IQCE: variants seen among roughly 807,000 people sequenced by gnomAD.
The protein encoded by IQCE is IQ domain-containing protein E.
In IQCE, 115 loss-of-function variants were observed where a neutral mutation model predicts 96.0. The observed-to-expected ratio is 1.20, with a 90% CI of 1.03 to 1.40. The LOEUF is 1.40. Ranked by LOEUF, IQCE falls within the 40% of genes most tolerant of loss-of-function variation. IQCE has a pLI of 0.00. For missense variants in IQCE, 1,041 were observed against 909.1 expected, an observed-to-expected ratio of 1.15 and a Z score of -1.87; for synonymous variants, 412 against 371.2, an observed-to-expected ratio of 1.11 and a Z score of -1.26.
intron 17 of IQCE, among the ~76,000 whole-genome samples, chr7:2,600,716 A>C (rs1035166502): frequency 6.6e-6 from 1 of 152,216 alleles, no homozygotes; most frequent in African/African-American, 2.4e-5. Context: ...CAAGGGAAAG[A>C]TCCTGTGTAC....
chr7:2,572,662 C>A, intron 5 of IQCE: 1 of 478,294 alleles, frequency 2.1e-6, no homozygotes, highest in Admixed American at 2.4e-5. Flanking sequence ...ATAAAAAGTC[C>A]AAGTCGCACC....
At chr7:2,607,491 G>T in intron 21 of IQCE, 1 of 1,292,668 alleles carries the variant, frequency 7.7e-7, no homozygotes, top group Non-Finnish European at 9.8e-7. Context: ...ACAGGACCGA[G>T]GTGGCTTCCT....
Position 2,598,606 on chromosome 7 carries a change from G to C in IQCE, c.1582G>C (p.Ala528Pro), listed in dbSNP as rs1314054409. The change falls in exon 17 of 22, where the codon GCC (alanine) becomes CCC (proline). Residue 528 changes from alanine (A) to proline (P), a missense_variant. Ala to Pro is a conservative substitution (Grantham distance 27). Coordinates refer to ENST00000402050, the MANE Select transcript of IQCE (RefSeq NM_152558.5). ...AGACGCCGCGGCCAGAGTCCTGCAG[G>C]CCCAGTGGAAGGTGTACAAGCACAA... ...RRDAAARVLQ[A>P]QWKVYKHKKK... is the part of the protein sequence containing the mutation. 9 of 1,585,606 alleles carry C rather than the reference G, an allele frequency of 5.7e-6. No individual in the cohort carries two copies. The highest frequency in any genetic ancestry group is 1.4e-5 in the African/African-American group (1 of 73,622).
At chr7:2,568,663 G>A (rs956240026) in intron 2 of IQCE, among the ~76,000 whole-genome samples, 2 of 152,212 alleles carry the variant, frequency 1.3e-5, no homozygotes, top group Non-Finnish European at 2.9e-5. Context: ...GGGCAGATCC[G>A]CCATTTGTGT....
intron 8 of IQCE, 74 bp downstream of exon 8, chr7:2,578,600 T>G: frequency 6.6e-7 from 1 of 1,515,620 alleles, no homozygotes; most frequent in Non-Finnish European, 9.2e-7. Flanking sequence ...AGGGACGCCT[T>G]TCCCTGCAGC....
At chr7:2,567,370 G>A (rs111489270) in intron 2 of IQCE, among the ~76,000 whole-genome samples, 56 of 152,258 alleles carry the variant, frequency 3.7e-4, no homozygotes, top group African/African-American at 1.2e-3. Flanking sequence ...TTATCTGGAC[G>A]TGAATCCTGA....
intron 18 of IQCE, 84 bp from the exon 19 acceptor site, chr7:2,604,797 C>T: frequency 1.1e-6 from 1 of 904,250 alleles, no homozygotes; most frequent in Non-Finnish European, 1.8e-6. Context: ...GCCGTGGCAG[C>T]TCTCTCCTCG....
intron 8 of IQCE, among the ~76,000 whole-genome samples, chr7:2,580,678 C>T (rs1459243180): frequency 6.6e-6 from 1 of 152,054 alleles, no homozygotes; most frequent in Non-Finnish European, 1.5e-5. Context: ...TGTGGATTCA[C>T]AGGCGCCAGC....
intron 6 of IQCE, 84 bp downstream of exon 6, chr7:2,573,572 G>A: frequency 1.3e-6 from 1 of 767,788 alleles, no homozygotes. Context: ...GCCTGTGCTG[G>A]GAGGTGCCCA....
intron 18 of IQCE, chr7:2,601,765 G>T (rs1221548984): frequency 1.2e-5 from 4 of 340,412 alleles, no homozygotes; most frequent in Non-Finnish European, 2.2e-5. Context: ...GGCCAGGATG[G>T]TCTCCAACTC....
chr7:2,567,085 C>G (rs773756741), intron 1 of IQCE, 31 bp from the exon 2 acceptor site: 2 of 1,605,282 alleles, frequency 1.2e-6, no homozygotes, highest in Non-Finnish European at 8.5e-7. Context: ...CAGGTGCCGT[C>G]GAGTTACAGT....
intron 6 of IQCE, among the ~76,000 whole-genome samples, chr7:2,577,178 C>T (rs1243018171): frequency 1.3e-5 from 2 of 152,228 alleles, no homozygotes; most frequent in Non-Finnish European, 2.9e-5. Flanking sequence ...CAGCTCAGTG[C>T]TTCCCTGGGC....
At chr7:2,559,965 C>T (rs1044327482) in intron 1 of IQCE, among the ~76,000 whole-genome samples, 10 of 152,072 alleles carry the variant, frequency 6.6e-5, no homozygotes, top group African/African-American at 2.4e-4. Flanking sequence ...TCCAGACCAG[C>T]CTGGGCAACA....
In IQCE at chr7:2,601,421, C is replaced by G. The variant is rs10246262; in HGVS notation, c.1609-20C>G. The G allele has an allele frequency of 6.8e-7, 1 of 1,473,154 alleles. No homozygotes were observed. Among genetic ancestry groups the G allele is most frequent in the South Asian group, 1.2e-5 (1 of 83,340 alleles). 91.3% of individuals were successfully genotyped at this position (1,473,154 alleles called of 1,614,324 possible). A position where few individuals can be genotyped will look rare whatever the true frequency, so the allele number is the denominator to read the frequency against. ...TCTCGTGTTAATTCATGTATTTTTT[C>G]TTTCTTTTTTTTTTTCCAGAAAAAA... On this transcript the variant is annotated intron_variant, in intron 17 of 21. Transcript: ENST00000402050.
At chr7:2,565,270 C>T (rs767360549) in intron 1 of IQCE, among the ~76,000 whole-genome samples, 3 of 150,620 alleles carry the variant, frequency 2.0e-5, no homozygotes, top group East Asian at 1.9e-4. Context: ...TGTGTGTGTG[C>T]GCTGTGTATG....
At chr7:2,584,387 C>G (rs1042323101) in intron 11 of IQCE, 102 bp downstream of exon 11, 32 of 1,074,766 alleles carry the variant, frequency 3.0e-5, no homozygotes, top group Admixed American at 2.5e-4. Context: ...ATATACTGCC[C>G]TTAGCTTGGC....
chr7:2,594,174 A>T (rs905029252), intron 15 of IQCE, among the ~76,000 whole-genome samples: 1 of 152,176 alleles, frequency 6.6e-6, no homozygotes, highest in African/African-American at 2.4e-5. Context: ...GCAGGAGAAT[A>T]GCTTGAACCC....
chr7:2,567,241 A>C (rs2128431641), intron 2 of IQCE, 78 bp downstream of exon 2: 2 of 1,107,526 alleles, frequency 1.8e-6, no homozygotes, highest in Non-Finnish European at 2.7e-6. Context: ...GAAGCGTAAA[A>C]TAGGCCGTTC....
At chr7:2,608,471 A>T (rs1451401770) in intron 21 of IQCE, among the ~76,000 whole-genome samples, 1 of 152,242 alleles carries the variant, frequency 6.6e-6, no homozygotes, top group African/African-American at 2.4e-5. Flanking sequence ...GTTTCGTCAG[A>T]GCTAGAAAAC....
Sources: allele counts gnomAD v4.1 joint callset (sites outside exome capture counted in the v4.1 genomes callset), GRCh38; gene constraint gnomAD v4.1.1; transcripts MANE v1.5; gene names NCBI Gene and HGNC (gene_info 2026-07-23, HGNC 2026-07-21).